Variants in ARHGAP8 observed in about 807,000 individuals in gnomAD.
The protein encoded by ARHGAP8 is rho GTPase-activating protein 8.
ARHGAP8 carries 62 observed loss-of-function variants against 46.1 expected under a neutral mutation model. The observed-to-expected ratio is 1.34, with a 90% CI of 1.10 to 1.66. The LOEUF is 1.66. Among genes scored for constraint, ARHGAP8 ranks in the 40% most tolerant of loss-of-function variants. The pLI is 0.00. For synonymous variants in ARHGAP8, 375 were observed against 243.1 expected (o/e 1.54, Z -5.05); for missense variants, 923 against 568.4 (o/e 1.62, Z -6.34).
At chr22:44,775,418 G>GC (rs1926351118) in intron 1 of ARHGAP8, among the ~76,000 whole-genome samples, 3 of 151,608 alleles carry the variant, frequency 2.0e-5, no homozygotes, top group African/African-American at 7.3e-5. Context: ...ACTCCAGCAG[G>GC]GCTGTCATAA....
rs132484 is a variant in ARHGAP8 at position 44,778,884 on chromosome 22, C to G, written c.-71-7573C>G. Among the ~76,000 whole-genome samples the G allele has an allele frequency of 6.6e-5, 10 of 151,926 alleles. No individual in the cohort carries two copies. The South Asian group carries it at 2.1e-3, about 32-fold the overall frequency. On this transcript the variant is annotated intron_variant, in intron 1 of 11. Coordinates refer to ENST00000356099, the MANE Select transcript of ARHGAP8 (RefSeq NM_181335.3). ...CTAACCCCACATTAAAAGGTAACTT[C>G]CAGGAAATGGAAAATCAGAACTCTC...
chr22:44,833,893 T>A (rs575323956), intron 7 of ARHGAP8, among the ~76,000 whole-genome samples: 9 of 152,302 alleles, frequency 5.9e-5, no homozygotes, highest in African/African-American at 2.2e-4. Context: ...GTTTGTGTCT[T>A]TCCAGGAATT....
chr22:44,859,282 A>C (rs929410564), intron 10 of ARHGAP8, among the ~76,000 whole-genome samples: 1 of 152,082 alleles, frequency 6.6e-6, no homozygotes, highest in African/African-American at 2.4e-5. Flanking sequence ...GAGGGCAGAT[A>C]CCTCATGGGT....
At chr22:44,840,866 C>CT in intron 7 of ARHGAP8, among the ~76,000 whole-genome samples, 1 of 152,332 alleles carries the variant, frequency 6.6e-6, no homozygotes, top group African/African-American at 2.4e-5. Context: ...AAAGAGCACT[C>CT]TGTCTGCCTG....
chr22:44,783,511 C>G (rs2349847), intron 1 of ARHGAP8, among the ~76,000 whole-genome samples: 134,574 of 151,932 alleles, frequency 0.89, 59,873 homozygotes, highest in Non-Finnish European at 0.94. Context: ...GACATCCAGC[C>G]GCTCTGTCAC....
chr22:44,848,702 C>T (rs939572456), intron 9 of ARHGAP8, among the ~76,000 whole-genome samples: 2 of 152,178 alleles, frequency 1.3e-5, no homozygotes, highest in Admixed American at 1.3e-4. Flanking sequence ...CAGCAGCCCA[C>T]CCCAGTCCCC....
chr22:44,807,690 A>G (rs1234377306), intron 3 of ARHGAP8, among the ~76,000 whole-genome samples: 1 of 152,166 alleles, frequency 6.6e-6, no homozygotes, highest in Admixed American at 6.5e-5. Context: ...GTATTCTCTC[A>G]CAGTTCTGGA....
At chr22:44,799,076 G>A (rs1411848050) in intron 2 of ARHGAP8, among the ~76,000 whole-genome samples, 2 of 152,224 alleles carry the variant, frequency 1.3e-5, no homozygotes, top group African/African-American at 4.8e-5. Flanking sequence ...CCCACCTGGG[G>A]GGCCCCCAAG....
intron 8 of ARHGAP8, among the ~76,000 whole-genome samples, chr22:44,847,140 A>T (rs2069977134): frequency 6.6e-6 from 1 of 151,880 alleles, no homozygotes. Context: ...GTTCCGGGGC[A>T]CCCCCATCAT....
chr22:44,772,333 TTTTTGTA>T (rs1926092841), intron 1 of ARHGAP8, among the ~76,000 whole-genome samples: 1 of 136,194 alleles, frequency 7.3e-6, no homozygotes, highest in Non-Finnish European at 1.5e-5. Context: ...ATTGACTTTT[TTTTTGTA>T]TTTTCTTTTT....
chr22:44,860,321 C>T (rs953748899), intron 11 of ARHGAP8, among the ~76,000 whole-genome samples: 1 of 152,262 alleles, frequency 6.6e-6, no homozygotes, highest in South Asian at 2.1e-4. Context: ...AGTCCAAAAG[C>T]AAGGTGTGGC....
intron 1 of ARHGAP8, chr22:44,786,232 G>T (rs927923457): frequency 1.6e-6 from 1 of 626,346 alleles, no homozygotes; most frequent in South Asian, 2.0e-5. Context: ...AGTGTATAAT[G>T]GGTGCTCGGC....
At chr22:44,849,312 C>G in intron 10 of ARHGAP8, 1 of 563,160 alleles carries the variant, frequency 1.8e-6, no homozygotes, top group Non-Finnish European at 3.0e-6. Flanking sequence ...TCAGGCACAG[C>G]TGGGCCAGGA....
chr22:44,832,968 A>C (rs532113396), intron 7 of ARHGAP8, among the ~76,000 whole-genome samples: 30 of 149,650 alleles, frequency 2.0e-4, no homozygotes, highest in South Asian at 4.2e-4. Context: ...GTCTATTAAA[A>C]ACACACACAC....
chr22:44,753,694 G>A (rs907433117), intron 1 of ARHGAP8, among the ~76,000 whole-genome samples: 5 of 152,156 alleles, frequency 3.3e-5, no homozygotes, highest in African/African-American at 1.2e-4. Flanking sequence ...TGGGAGGAGT[G>A]TGAAGGCCCC....
intron 1 of ARHGAP8, among the ~76,000 whole-genome samples, chr22:44,764,315 G>A (rs1218039757): frequency 6.6e-6 from 1 of 152,218 alleles, no homozygotes; most frequent in Non-Finnish European, 1.5e-5. Flanking sequence ...TTTGTGGCAT[G>A]AGATCTAAAT....
chr22:44,862,618 T>G lies in ARHGAP8; in HGVS notation c.*23T>G, dbSNP rs910054448. On this transcript the variant is annotated 3_prime_UTR_variant, in exon 12 of 12. Transcript: ENST00000356099. Reference sequence around the variant, plus strand: ...TAGTGTTGCGAACACTCTGTATATTTCGAGCTACCTCCCACACCTGTCTGT... The same window carrying G: ...TAGTGTTGCGAACACTCTGTATATTGCGAGCTACCTCCCACACCTGTCTGT... 5 of 1,527,684 alleles carry G rather than the reference T, an allele frequency of 3.3e-6. No individual in the cohort carries two copies. The African/African-American group carries it at 4.1e-5, about 13-fold the overall frequency. The allele number at this position is 1,527,684 out of a possible 1,614,324, so 94.6% of individuals were successfully genotyped here.
chr22:44,764,096 G>GCCAC (rs1210871354), intron 1 of ARHGAP8, among the ~76,000 whole-genome samples: 2 of 152,286 alleles, frequency 1.3e-5, no homozygotes, highest in East Asian at 3.9e-4. Flanking sequence ...ACAGGCGTGA[G>GCCAC]CCACCGCGCC....
At chr22:44,753,439 T>G (rs2146974369) in intron 1 of ARHGAP8, among the ~76,000 whole-genome samples, 1 of 152,244 alleles carries the variant, frequency 6.6e-6, no homozygotes, top group South Asian at 2.1e-4. Context: ...CAGGCTGGTC[T>G]CGACCACCTG....
Sources: gnomAD v4.1 joint callset for allele counts (sites outside exome capture counted in the v4.1 genomes callset) on GRCh38, gnomAD v4.1.1 for gene constraint, MANE v1.5 for transcripts, NCBI Gene and HGNC (gene_info 2026-07-23, HGNC 2026-07-21) for gene names.